COL7A1: variants seen among roughly 807,000 people sequenced by gnomAD.
COL7A1 encodes collagen type VII alpha 1 chain, also known as collagen alpha-1(VII) chain.
Under a neutral mutation model 456.2 loss-of-function variants are expected in COL7A1, and 296 were observed. That is an observed-to-expected ratio of 0.65 (90% CI 0.59 to 0.71). The LOEUF is 0.71. COL7A1 is among the 30% of genes least tolerant of loss of function. The pLI is 0.00. For missense variants in COL7A1, 3,441 were observed against 4,017.2 expected, an observed-to-expected ratio of 0.86 and a Z score of 3.88; for synonymous variants, 1,464 against 1,525.9, an observed-to-expected ratio of 0.96 and a Z score of 0.95.
chr3:48,583,858 A>C lies in COL7A1; in HGVS notation c.4278+42T>G, dbSNP rs1575465100. On this transcript the variant is annotated intron_variant, in intron 39 of 118. Coordinates refer to ENST00000681320, the MANE Select transcript of COL7A1 (RefSeq NM_000094.4). The surrounding 1 kb of genome is among the most constrained non-coding windows in gnomAD (Gnocchi z 5.1). ...AACCACTGCCCCAGGAGAGACCCAC[A>C]CCCCTGAGCAGGGCCCCCAGCAGAG... 1 of 1,613,062 alleles carries C rather than the reference A, an allele frequency of 6.2e-7. No homozygotes were observed. Among genetic ancestry groups the C allele is most frequent in the Non-Finnish European group, 8.5e-7 (1 of 1,179,548 alleles).
In COL7A1 at chr3:48,593,205, G is replaced by A. The variant is rs2045837232; in HGVS notation, c.579C>T (p.Asp193=). Residue 193 remains aspartate (D), a synonymous_variant, in exon 6 of 119, where the codon GAC becomes GAT. Transcript: ENST00000681320. This position sits in a 1 kb window ranked among gnomAD's most constrained non-coding sequence, Gnocchi z 4.4. The part of the protein sequence containing the change: ...LKRVASQPTS[D]FFFFVNDFSI... ...TGAAGTCATTGACGAAGAAGAAGAA[G>A]TCACTGGTGGGCTGTGAGGCAACTC... is the stretch of plus-strand genomic sequence containing the variant. The A allele has an allele frequency of 6.2e-7, 1 of 1,614,038 alleles. No homozygotes were observed. The highest frequency in any genetic ancestry group is 8.5e-7 in the Non-Finnish European group (1 of 1,180,040).
Position 48,570,779 on chromosome 3 carries a change from G to A in COL7A1, c.7273-69C>T. The A allele has an allele frequency of 4.5e-6, 7 of 1,557,890 alleles. No individual in the cohort carries two copies. The South Asian group carries it at 8.2e-5, about 18-fold the overall frequency. ...ACCCTCCTACCCTCTGCCCCCTCAA[G>A]ACTGGGAACCCCCAAGGCAGGGCCC... On this transcript the variant is annotated intron_variant, in intron 95 of 118. Transcript: ENST00000681320. The surrounding 1 kb of genome is among the most constrained non-coding windows in gnomAD (Gnocchi z 5.5).
In COL7A1 at chr3:48,580,871, C is replaced by T. The variant is rs758350985; in HGVS notation, c.4980+11G>A. 1 of 1,614,134 alleles carries T rather than the reference C, an allele frequency of 6.2e-7. No individual in the cohort carries two copies. Among genetic ancestry groups the T allele is most frequent in the Non-Finnish European group, 8.5e-7 (1 of 1,180,040 alleles). ...CCATCACCCCTGTTACTTCTCTCTG[C>T]CAAGACTCACCCGAAGGCCACGCTC... is the stretch of plus-strand genomic sequence containing the variant. On this transcript the variant is annotated intron_variant, in intron 54 of 118. Transcript: ENST00000681320. The surrounding 1 kb of genome is among the most constrained non-coding windows in gnomAD (Gnocchi z 4.5).
In COL7A1 at chr3:48,576,034, G is replaced by A. The variant is rs1476360908; in HGVS notation, c.5821-132C>T. 21 of 1,482,012 alleles carry A rather than the reference G, an allele frequency of 1.4e-5. No homozygotes were observed. In the South Asian group the frequency reaches 2.1e-4, roughly 15 times the overall value. The allele number at this position is 1,482,012 out of a possible 1,614,324, so 91.8% of individuals were successfully genotyped here. A position where few individuals can be genotyped will look rare whatever the true frequency, so the allele number is the denominator to read the frequency against. On this transcript the variant is annotated intron_variant, in intron 71 of 118. Transcript: ENST00000681320. ...TGCCCAGAGCACCCTTTAGCACTTG[G>A]TTGAGGCATGGCTGGAGACTCCTGG... is the stretch of plus-strand genomic sequence containing the variant.
At position 48,587,444 on chromosome 3, in the gene COL7A1, G is replaced by T. The variant is rs763751979; in HGVS notation, c.2968C>A (p.Arg990=). 3 of 1,613,290 alleles carry T rather than the reference G, an allele frequency of 1.9e-6. No individual in the cohort carries two copies. The highest frequency in any genetic ancestry group is 1.7e-6 in the Non-Finnish European group (2 of 1,180,012). ...CCCTGGCCAGGGCCTCTGAGTGGCC[G>T]CCAGGATAGGATGTAGCTGGATGCC... ...SRASSYILSW[R]PLRGPGQEVP... The change falls in exon 23 of 119, where the codon CGG becomes AGG. Residue 990 remains arginine, a synonymous_variant. Transcript: ENST00000681320. The surrounding 1 kb of genome is among the most constrained non-coding windows in gnomAD (Gnocchi z 6.1).
chr3:48,565,735 C>A lies in COL7A1; in HGVS notation c.8408-67G>T. On this transcript the variant is annotated intron_variant, in intron 114 of 118. Coordinates refer to ENST00000681320, the MANE Select transcript of COL7A1 (RefSeq NM_000094.4). This position sits in a 1 kb window ranked among gnomAD's most constrained non-coding sequence, Gnocchi z 4.5. ...AAGGATGGGAAGATGGAGAGACAGACAGAGACACACAGGCAGAGGGGTAGA... is the reference window on the plus strand; with the variant it reads ...AAGGATGGGAAGATGGAGAGACAGAAAGAGACACACAGGCAGAGGGGTAGA... 1.4e-6 allele frequency: 2 copies of A among 1,445,674 alleles called. No individual in the cohort carries two copies. The highest frequency in any genetic ancestry group is 2.4e-5 in the South Asian group (2 of 82,858). 89.6% of individuals were successfully genotyped at this position (1,445,674 alleles called of 1,614,324 possible).
At position 48,583,076 on chromosome 3, in the gene COL7A1, A is replaced by G. The variant is rs2044892801; in HGVS notation, c.4483-28T>C. On this transcript the variant is annotated intron_variant, in intron 43 of 118. Coordinates refer to ENST00000681320, the MANE Select transcript of COL7A1 (RefSeq NM_000094.4). The surrounding 1 kb of genome is among the most constrained non-coding windows in gnomAD (Gnocchi z 5.1). ...GATGGAAAAGAAGAGGTCAGAGCTG[A>G]GTTGGGCCCAGATCCTCCAGGGCCC... The G allele has an allele frequency of 6.2e-7, 1 of 1,613,980 alleles. No individual in the cohort carries two copies. The highest frequency in any genetic ancestry group is 1.3e-5 in the African/African-American group (1 of 74,978).
rs1186094649 is a variant in COL7A1 at position 48,595,012 on chromosome 3, C to A, written c.85+63G>T. 3 of 1,352,024 alleles carry A rather than the reference C, an allele frequency of 2.2e-6. No homozygotes were observed. In the Admixed American group the frequency reaches 6.0e-5, roughly 27 times the overall value. 83.8% of individuals were successfully genotyped at this position (1,352,024 alleles called of 1,614,324 possible). On this transcript the variant is annotated intron_variant, in intron 2 of 118. Coordinates refer to ENST00000681320, the MANE Select transcript of COL7A1 (RefSeq NM_000094.4). Reference sequence around the variant, plus strand: ...GGCGGGGGGTGTTGGGGATGAAGGCCGAGTGGAGCGGAGGGTGGCACGGTG... The same window carrying A: ...GGCGGGGGGTGTTGGGGATGAAGGCAGAGTGGAGCGGAGGGTGGCACGGTG...
Position 48,573,822 on chromosome 3 carries a change from G to A in COL7A1, c.6537+33C>T. 6.2e-7 allele frequency: 1 copy of A among 1,614,082 alleles called. No individual in the cohort carries two copies. The highest frequency in any genetic ancestry group is 8.5e-7 in the Non-Finnish European group (1 of 1,179,996). ...GTCACTGGGGCAGGGCACAGGATGG[G>A]GGCAAGACAGGTGAAGGTTCTTGGG... On this transcript the variant is annotated intron_variant, in intron 81 of 118. Coordinates refer to ENST00000681320, the MANE Select transcript of COL7A1 (RefSeq NM_000094.4). This position sits in a 1 kb window ranked among gnomAD's most constrained non-coding sequence, Gnocchi z 5.5.
At position 48,565,502 on chromosome 3, in the gene COL7A1, G is replaced by C; in HGVS notation, c.8441-6C>G. On this transcript the variant is annotated splice_region_variant and splice_polypyrimidine_tract_variant and intron_variant, in intron 115 of 118. Coordinates refer to ENST00000681320, the MANE Select transcript of COL7A1 (RefSeq NM_000094.4). This position sits in a 1 kb window ranked among gnomAD's most constrained non-coding sequence, Gnocchi z 4.5. ...AGCATAACTAGGGAGGGGTCCTGGA[G>C]CCAAGAGCAGGGGCCTCAGGGCCCT... The C allele has an allele frequency of 6.2e-7, 1 of 1,613,668 alleles. No individual in the cohort carries two copies. Among genetic ancestry groups the C allele is most frequent in the African/African-American group, 1.3e-5 (1 of 75,036 alleles).
In COL7A1 at chr3:48,576,507, A is replaced by G; in HGVS notation, c.5736+15T>C. 2 of 1,612,192 alleles carry G rather than the reference A, an allele frequency of 1.2e-6. No individual in the cohort carries two copies. ...AGCCCCCTCACCACGCCCCCTACCC[A>G]ACATCCGCACTCACCTTGGGGCCCG... On this transcript the variant is annotated intron_variant, in intron 69 of 118. Coordinates refer to ENST00000681320, the MANE Select transcript of COL7A1 (RefSeq NM_000094.4).
In COL7A1 at chr3:48,590,552, G is replaced by C. The variant is rs371731645; in HGVS notation, c.1813C>G (p.Arg605Gly). ...CGCGTTGCATCTGACACCACAACCCGCAGCCCTGGAACAGCAAGTGGAGTT... is the reference window on the plus strand; with the variant it reads ...CGCGTTGCATCTGACACCACAACCCCCAGCCCTGGAACAGCAAGTGGAGTT... ...PETPLAVPGL[R>G]VVVSDATRVR... is the part of the protein sequence containing the mutation. The change falls in exon 15 of 119, where the codon CGG (arginine) becomes GGG (glycine). Residue 605 changes from arginine (R) to glycine (G), a missense_variant. This residue lies in a region of COL7A1 where 913 missense variants were observed against 1,088.2 expected (regional missense o/e 0.84). Coordinates refer to ENST00000681320, the MANE Select transcript of COL7A1 (RefSeq NM_000094.4). This position sits in a 1 kb window ranked among gnomAD's most constrained non-coding sequence, Gnocchi z 4.6. The C allele has an allele frequency of 1.2e-6, 2 of 1,614,096 alleles. No homozygotes were observed. Among genetic ancestry groups the C allele is most frequent in the Non-Finnish European group, 1.7e-6 (2 of 1,180,028 alleles).
chr3:48,577,942 C>T (rs1283075625), intron 65 of COL7A1, among the ~76,000 whole-genome samples: 1 of 152,268 alleles, frequency 6.6e-6, no homozygotes, highest in Admixed American at 6.5e-5. Context: ...CCGAGGCGGG[C>T]GGATCACCTG....
Position 48,593,454 on chromosome 3 carries a change from G to A in COL7A1, c.427-5C>T. On this transcript the variant is annotated splice_polypyrimidine_tract_variant and splice_region_variant and intron_variant, in intron 4 of 118. Transcript: ENST00000681320. The surrounding 1 kb of genome is among the most constrained non-coding windows in gnomAD (Gnocchi z 4.4). ...GTCTGTGATCAGGATGCAGACCTGGGACAGGTGCAGGGGTCAAATCACGGT... is the reference window on the plus strand; with the variant it reads ...GTCTGTGATCAGGATGCAGACCTGGAACAGGTGCAGGGGTCAAATCACGGT... 1 of 1,614,054 alleles carries A rather than the reference G, an allele frequency of 6.2e-7. No homozygotes were observed. The highest frequency in any genetic ancestry group is 8.5e-7 in the Non-Finnish European group (1 of 1,180,026).
At position 48,586,858 on chromosome 3, in the gene COL7A1, G is replaced by T; in HGVS notation, c.3276+114C>A. 2.0e-6 allele frequency: 3 copies of T among 1,527,146 alleles called. No homozygotes were observed. Among genetic ancestry groups the T allele is most frequent in the Admixed American group, 2.0e-5 (1 of 50,838 alleles). The allele number at this position is 1,527,146 out of a possible 1,614,324, so 94.6% of individuals were successfully genotyped here. On this transcript the variant is annotated intron_variant, in intron 25 of 118. Coordinates refer to ENST00000681320, the MANE Select transcript of COL7A1 (RefSeq NM_000094.4). This position sits in a 1 kb window ranked among gnomAD's most constrained non-coding sequence, Gnocchi z 5.1. Reference sequence around the variant, plus strand: ...GCAGTAGGTGAGGTCTGGAGCCTGTGAGAGAGCTGGGAGAATGCCTGAACC... The same window carrying T: ...GCAGTAGGTGAGGTCTGGAGCCTGTTAGAGAGCTGGGAGAATGCCTGAACC...
rs772849671 is a variant in COL7A1, at chr3:48,565,360, G to T, written c.8527+50C>A. On this transcript the variant is annotated intron_variant, in intron 116 of 118. Coordinates refer to ENST00000681320, the MANE Select transcript of COL7A1 (RefSeq NM_000094.4). The surrounding 1 kb of genome is among the most constrained non-coding windows in gnomAD (Gnocchi z 4.5). ...GCCCTGCATTCATGGACACCCATGTGCGTGTCTCGGCCCCACCCATAGCTG... is the reference window on the plus strand; with the variant it reads ...GCCCTGCATTCATGGACACCCATGTTCGTGTCTCGGCCCCACCCATAGCTG... 6.4e-6 allele frequency: 10 copies of T among 1,560,556 alleles called. No individual in the cohort carries two copies. The highest frequency in any genetic ancestry group is 7.0e-6 in the Non-Finnish European group (8 of 1,148,510).
intron 71 of COL7A1, 45 bp downstream of exon 71, chr3:48,576,204 G>A: frequency 6.2e-7 from 1 of 1,611,998 alleles, no homozygotes; most frequent in East Asian, 2.2e-5. Context: ...TGGCCCCAAT[G>A]GGCATGCAAA....
In COL7A1 at chr3:48,585,445, GC is replaced by G; in HGVS notation, c.3894+111del. The G allele has an allele frequency of 1.6e-6, 2 of 1,275,874 alleles. No individual in the cohort carries two copies. The highest frequency in any genetic ancestry group is 2.3e-6 in the Non-Finnish European group (2 of 880,808). 79.0% of individuals were successfully genotyped at this position (1,275,874 alleles called of 1,614,324 possible). A position where few individuals can be genotyped will look rare whatever the true frequency, so the allele number is the denominator to read the frequency against. On this transcript the variant is annotated intron_variant, in intron 32 of 118. Coordinates refer to ENST00000681320, the MANE Select transcript of COL7A1 (RefSeq NM_000094.4). The surrounding 1 kb of genome is among the most constrained non-coding windows in gnomAD (Gnocchi z 4.5). ...GTGGTGGTTTATAACCTCCAGCTGG[GC>G]TTCTAGGAATTCCCGATGATTCTAA...
chr3:48,576,631 TG>T, intron 68 of COL7A1, 44 bp downstream of exon 68: 1 of 1,590,902 alleles, frequency 6.3e-7, no homozygotes, highest in Non-Finnish European at 8.6e-7. Context: ...TGAAACATCA[TG>T]GCTTCTAATG....
Sources: allele counts gnomAD v4.1 joint callset (sites outside exome capture counted in the v4.1 genomes callset), GRCh38; gene constraint gnomAD v4.1.1; regional missense constraint gnomAD v4.1.1; non-coding constraint Gnocchi (gnomAD v3.1); transcripts MANE v1.5; gene names NCBI Gene and HGNC (gene_info 2026-07-23, HGNC 2026-07-21).